Variants in TMEM232 observed in about 807,000 individuals in gnomAD.
TMEM232 encodes the protein transmembrane protein 232.
In TMEM232, 80 loss-of-function variants were observed where a neutral mutation model predicts 78.8. The ratio of observed to expected loss-of-function variants is 1.01; its 90% CI spans 0.85 to 1.22. The LOEUF (loss-of-function observed/expected upper bound fraction) is 1.22. TMEM232 is among the 50% of genes most tolerant of loss of function. The pLI is 0.00. For synonymous variants in TMEM232, 297 were observed against 254.3 expected (o/e 1.17, Z -1.60); for missense variants, 881 against 742.2 (o/e 1.19, Z -2.17).
chr5:110,414,091 G>C (rs528983185), intron 2 of TMEM232, among the ~76,000 whole-genome samples: 20 of 152,286 alleles, frequency 1.3e-4, no homozygotes, highest in African/African-American at 4.1e-4. Context: ...CTGATAGTTT[G>C]GGGAATGCTC....
chr5:110,684,532 G>T (rs1793155944), intron 1 of TMEM232, among the ~76,000 whole-genome samples: 1 of 152,068 alleles, frequency 6.6e-6, no homozygotes, highest in Admixed American at 6.6e-5. Flanking sequence ...CTGGAGAAAT[G>T]AAAAGCTATT....
At chr5:110,460,971 C>T (rs1439021650) in intron 12 of TMEM232, among the ~76,000 whole-genome samples, 1 of 151,994 alleles carries the variant, frequency 6.6e-6, no homozygotes, top group East Asian at 1.9e-4. Flanking sequence ...CCATCTCTCC[C>T]CCTCTGCTGG....
At chr5:110,732,366 T>C (rs1374604787) in intron 2 of TMEM232, among the ~76,000 whole-genome samples, 1 of 152,190 alleles carries the variant, frequency 6.6e-6, no homozygotes, top group Non-Finnish European at 1.5e-5. Context: ...CCTACTCTAT[T>C]GGTACCAACT....
At chr5:110,590,632 A>G (rs1779398584) in intron 10 of TMEM232, among the ~76,000 whole-genome samples, 2 of 152,084 alleles carry the variant, frequency 1.3e-5, no homozygotes, top group South Asian at 4.1e-4. Context: ...AAAGTTGGGG[A>G]CCACTGAGAT....
chr5:110,655,433 T>C (rs1232426606), intron 2 of TMEM232, among the ~76,000 whole-genome samples: 5 of 145,346 alleles, frequency 3.4e-5, no homozygotes, highest in Non-Finnish European at 6.0e-5. Context: ...TGTGGAGAAA[T>C]AGGAACACTT....
intron 10 of TMEM232, among the ~76,000 whole-genome samples, 198 bp downstream of exon 10, chr5:110,604,911 A>G (rs914877849): frequency 3.3e-5 from 5 of 152,136 alleles, no homozygotes; most frequent in African/African-American, 9.7e-5. Flanking sequence ...AGCAGGGATC[A>G]CGCCACTGCA....
chr5:110,558,223 C>T (rs990406166), intron 11 of TMEM232, among the ~76,000 whole-genome samples: 2 of 152,178 alleles, frequency 1.3e-5, no homozygotes, highest in Admixed American at 1.3e-4. Context: ...ATGGGGTATG[C>T]CAGCAGAAGT....
At chr5:110,656,944 A>C (rs544072273) in intron 2 of TMEM232, among the ~76,000 whole-genome samples, 2 of 152,270 alleles carry the variant, frequency 1.3e-5, no homozygotes, top group East Asian at 3.9e-4. Context: ...AAACATAATA[A>C]TTGTACGTAT....
chr5:110,560,453 G>A (rs1479335995), intron 11 of TMEM232, among the ~76,000 whole-genome samples: 2 of 152,150 alleles, frequency 1.3e-5, no homozygotes, highest in Non-Finnish European at 2.9e-5. Flanking sequence ...TTAGGATAAT[G>A]TGAAAGGTTC....
intron 11 of TMEM232, among the ~76,000 whole-genome samples, chr5:110,564,098 A>G (rs1776058256): frequency 6.6e-6 from 1 of 152,028 alleles, no homozygotes; most frequent in Non-Finnish European, 1.5e-5. Flanking sequence ...GATTAAATTT[A>G]TTAATTGCCC....
intron 2 of TMEM232, among the ~76,000 whole-genome samples, chr5:110,651,054 A>C (rs545139583): frequency 6.6e-6 from 1 of 152,314 alleles, no homozygotes; most frequent in African/African-American, 2.4e-5. Context: ...TCATTTTCTA[A>C]TTTATTGATT....
intron 11 of TMEM232, among the ~76,000 whole-genome samples, chr5:110,531,996 C>A (rs1452274245): frequency 6.6e-6 from 1 of 152,176 alleles, no homozygotes; most frequent in East Asian, 1.9e-4. Flanking sequence ...AGTTGCAATT[C>A]CTTGCCTCCA....
At chr5:110,524,408 AAAG>A (rs1314260996) in intron 12 of TMEM232, among the ~76,000 whole-genome samples, 2,071 of 45,972 alleles carry the variant, frequency 0.045, 26 homozygotes, top group African/African-American at 0.077. Flanking sequence ...AGAAAGAAAG[AAAG>A]AAAGAAAAGA....
At chr5:110,606,324 T>C (rs1781536623) in intron 8 of TMEM232, 37 bp from the exon 9 acceptor site, 14 of 1,465,930 alleles carry the variant, frequency 9.6e-6, no homozygotes, top group East Asian at 5.0e-5. Context: ...AAGATTTTAA[T>C]GGAAAATAAT....
intron 2 of TMEM232, among the ~76,000 whole-genome samples, chr5:110,398,790 A>G (rs757084332): frequency 6.6e-6 from 1 of 152,142 alleles, no homozygotes; most frequent in Non-Finnish European, 1.5e-5. Flanking sequence ...TCCAGTAAAC[A>G]TTAGCTGTAA....
At chr5:110,442,047 T>G (rs1291670065) in intron 12 of TMEM232, among the ~76,000 whole-genome samples, 1 of 152,158 alleles carries the variant, frequency 6.6e-6, no homozygotes, top group African/African-American at 2.4e-5. Context: ...TTAGGACACT[T>G]TCATTATCCT....
chr5:110,681,595 G>T (rs1356866791), intron 1 of TMEM232, among the ~76,000 whole-genome samples: 3 of 152,198 alleles, frequency 2.0e-5, no homozygotes, highest in African/African-American at 7.2e-5. Context: ...AAAAAAGGGG[G>T]TTTGTGTTAT....
At chr5:110,460,808 T>C (rs910241993) in intron 12 of TMEM232, among the ~76,000 whole-genome samples, 1 of 152,150 alleles carries the variant, frequency 6.6e-6, no homozygotes. Context: ...TAAAACATTT[T>C]CATTATCATA....
At chr5:110,700,471 C>T (rs558405104) in intron 1 of TMEM232, among the ~76,000 whole-genome samples, 6 of 152,102 alleles carry the variant, frequency 3.9e-5, no homozygotes, top group Admixed American at 6.6e-5. Flanking sequence ...ACTAAAATCA[C>T]GAACTTACAA....
Sources: gnomAD v4.1 joint callset for allele counts (sites outside exome capture counted in the v4.1 genomes callset) on GRCh38, gnomAD v4.1.1 for gene constraint, MANE v1.5 for transcripts, NCBI Gene and HGNC (gene_info 2026-07-23, HGNC 2026-07-21) for gene names.